The following EXOC6B variants were observed in gnomAD, a reference collection of about 807,000 sequenced individuals.
EXOC6B encodes the protein SEC15 homolog B.
In EXOC6B, 54 loss-of-function variants were observed where a neutral mutation model predicts 113.5. The observed-to-expected ratio is 0.48, with a 90% confidence interval of 0.38 to 0.60. The LOEUF (loss-of-function observed/expected upper bound fraction) is 0.60. EXOC6B is among the 20% of genes least tolerant of loss of function. The pLI is 0.00. For missense variants in EXOC6B, 797 were observed against 977.5 expected (o/e 0.82, Z 2.46); for synonymous variants, 357 against 339.0 (o/e 1.05, Z -0.58).
At chr2:72,584,219 TAAA>T (rs76375907) in intron 6 of EXOC6B, among the ~76,000 whole-genome samples, 1 of 142,480 alleles carries the variant, frequency 7.0e-6, no homozygotes. Flanking sequence ...CAAGTAGGGT[TAAA>T]AAAAAAAAAG....
At chr2:72,322,005 A>G (rs1572910473) in intron 20 of EXOC6B, among the ~76,000 whole-genome samples, 1 of 152,182 alleles carries the variant, frequency 6.6e-6, no homozygotes, top group South Asian at 2.1e-4. Context: ...TTTGTAAAAT[A>G]GTTGGACATT....
intron 20 of EXOC6B, among the ~76,000 whole-genome samples, chr2:72,281,352 C>A (rs552995116): frequency 2.0e-5 from 3 of 151,932 alleles, no homozygotes; most frequent in Non-Finnish European, 4.4e-5. Flanking sequence ...TTATCAAGAA[C>A]AGAGATATGA....
chr2:72,810,422 T>C (rs1406397636), intron 1 of EXOC6B, among the ~76,000 whole-genome samples: 1 of 151,564 alleles, frequency 6.6e-6, no homozygotes, highest in Non-Finnish European at 1.5e-5. Context: ...AAATACATCA[T>C]ATCAAAACTG....
chr2:72,537,353 C>G (rs1702353378), intron 8 of EXOC6B, among the ~76,000 whole-genome samples: 2 of 151,762 alleles, frequency 1.3e-5, no homozygotes. Context: ...CCTGTAATCC[C>G]AGCACTGGGA....
chr2:72,783,967 A>C (rs1684224821), intron 1 of EXOC6B, among the ~76,000 whole-genome samples: 1 of 152,138 alleles, frequency 6.6e-6, no homozygotes, highest in Non-Finnish European at 1.5e-5. Flanking sequence ...CAGTTGCTTT[A>C]TAGTTTCAGG....
rs543867376 is a variant in EXOC6B at position 72,645,604 on chromosome 2, G to A, written c.670-69936C>T. On this transcript the variant is annotated intron_variant, in intron 6 of 21. Coordinates refer to ENST00000272427, the MANE Select transcript of EXOC6B (RefSeq NM_015189.3). ...CAAAAAAACTGTCTTTCAGACCACA[G>A]CGCAATCAAATTACAACTCAGAATT... Among the ~76,000 whole-genome samples the A allele has an allele frequency of 2.4e-4, 37 of 152,262 alleles. 1 individual carries two copies. In the South Asian group the frequency reaches 6.4e-3, roughly 26 times the overall value.
chr2:72,396,829 G>T (rs1692757844), intron 18 of EXOC6B, among the ~76,000 whole-genome samples: 1 of 152,002 alleles, frequency 6.6e-6, no homozygotes, highest in African/African-American at 2.4e-5. Flanking sequence ...ATAGTCCCTT[G>T]AGCAAAGCAA....
chr2:72,767,538 A>T (rs1335073178), intron 1 of EXOC6B, among the ~76,000 whole-genome samples: 1 of 151,772 alleles, frequency 6.6e-6, no homozygotes, highest in African/African-American at 2.4e-5. Context: ...GGCCAGGCAC[A>T]GTGGCTCACG....
At chr2:72,725,920 T>C (rs1360035771) in intron 5 of EXOC6B, among the ~76,000 whole-genome samples, 1 of 152,218 alleles carries the variant, frequency 6.6e-6, no homozygotes, top group Non-Finnish European at 1.5e-5. Flanking sequence ...ACACAAAAGC[T>C]TGTAAATGAA....
chr2:72,437,588 C>T (rs775812554), intron 18 of EXOC6B, among the ~76,000 whole-genome samples: 6 of 152,150 alleles, frequency 3.9e-5, no homozygotes, highest in South Asian at 2.1e-4. Flanking sequence ...CTTTCAGAGA[C>T]GCCCTGCCCA....
intron 6 of EXOC6B, among the ~76,000 whole-genome samples, chr2:72,688,365 T>C (rs1677236770): frequency 6.6e-6 from 1 of 152,146 alleles, no homozygotes; most frequent in Non-Finnish European, 1.5e-5. Context: ...ATAAAGGATA[T>C]GTTATCAAGC....
At chr2:72,726,019 T>C (rs976129403) in intron 5 of EXOC6B, among the ~76,000 whole-genome samples, 5 of 152,176 alleles carry the variant, frequency 3.3e-5, no homozygotes, top group African/African-American at 1.2e-4. Context: ...AAGCAGTATA[T>C]ATACAATGAG....
intron 19 of EXOC6B, among the ~76,000 whole-genome samples, chr2:72,351,881 T>C (rs1364550504): frequency 2.6e-5 from 4 of 152,176 alleles, no homozygotes; most frequent in African/African-American, 4.8e-5. Context: ...CAATAACTTA[T>C]CTTTCCATGA....
At chr2:72,375,935 T>C (rs1691329967) in intron 19 of EXOC6B, among the ~76,000 whole-genome samples, 1 of 152,180 alleles carries the variant, frequency 6.6e-6, no homozygotes. Context: ...AGCTGGACTT[T>C]TTACACAACA....
chr2:72,395,602 C>A (rs1039795336), intron 18 of EXOC6B, among the ~76,000 whole-genome samples: 2 of 151,916 alleles, frequency 1.3e-5, no homozygotes, highest in Non-Finnish European at 2.9e-5. Context: ...GGTGCATGAA[C>A]CAACACATCC....
At chr2:72,250,423 A>G (rs760526935) in intron 20 of EXOC6B, among the ~76,000 whole-genome samples, 2 of 151,766 alleles carry the variant, frequency 1.3e-5, no homozygotes, top group African/African-American at 2.4e-5. Context: ...GCTCATTGCA[A>G]CTTCTGCCTC....
intron 6 of EXOC6B, among the ~76,000 whole-genome samples, chr2:72,621,598 T>C (rs1319055255): frequency 6.6e-6 from 1 of 152,158 alleles, no homozygotes; most frequent in East Asian, 1.9e-4. Context: ...AACAAATCTA[T>C]ACGTATCCCC....
At chr2:72,338,991 T>C (rs1280273137) in intron 19 of EXOC6B, among the ~76,000 whole-genome samples, 3 of 144,288 alleles carry the variant, frequency 2.1e-5, no homozygotes, top group Non-Finnish European at 4.5e-5. Context: ...ACACATTATG[T>C]AGTGAAGCTC....
At chr2:72,220,861 T>C (rs566444549) in intron 20 of EXOC6B, among the ~76,000 whole-genome samples, 187 of 152,294 alleles carry the variant, frequency 1.2e-3, no homozygotes, top group African/African-American at 3.8e-3. Flanking sequence ...GTATAATAGG[T>C]GTACATAGTT....
Sources: gnomAD v4.1 joint callset for allele counts (sites outside exome capture counted in the v4.1 genomes callset) on GRCh38, gnomAD v4.1.1 for gene constraint, MANE v1.5 for transcripts, NCBI Gene and HGNC (gene_info 2026-07-23, HGNC 2026-07-21) for gene names.